LRRC7: variants seen among roughly 807,000 people sequenced by gnomAD.
The protein encoded by LRRC7 is leucine rich repeat containing 7, also known as leucine-rich repeat-containing protein 7.
In LRRC7, 23 loss-of-function variants were observed where a neutral mutation model predicts 175.7. The observed-to-expected ratio is 0.13, with a 90% CI of 0.09 to 0.19. The LOEUF (loss-of-function observed/expected upper bound fraction) is 0.19, where lower values mean the gene tolerates loss of function less well. Ranked by LOEUF, LRRC7 falls within the 10% of genes least tolerant of loss-of-function variation. The pLI, the probability that LRRC7 is intolerant of heterozygous loss-of-function variation, is 1.00. For synonymous variants in LRRC7, 685 were observed against 680.9 expected, an observed-to-expected ratio of 1.01 and a Z score of -0.09; for missense variants, 1,354 against 1,904.7, an observed-to-expected ratio of 0.71 and a Z score of 5.38.
At chr1:69,829,165 T>A (rs896530314) in intron 5 of LRRC7, among the ~76,000 whole-genome samples, 12 of 151,930 alleles carry the variant, frequency 7.9e-5, no homozygotes, top group African/African-American at 2.4e-4. Context: ...ATATTAGTAT[T>A]ATCATCTTAC....
intron 1 of LRRC7, among the ~76,000 whole-genome samples, chr1:69,575,269 G>T (rs1645899456): frequency 6.6e-6 from 1 of 152,024 alleles, no homozygotes; most frequent in South Asian, 2.1e-4. Context: ...GGAACTACTG[G>T]GGTCTCTTAC....
chr1:69,691,289 T>C (rs1661821328), intron 2 of LRRC7, among the ~76,000 whole-genome samples: 1 of 152,152 alleles, frequency 6.6e-6, no homozygotes, highest in Non-Finnish European at 1.5e-5. Flanking sequence ...TATCTGTTCC[T>C]GAAATATTAC....
At position 69,756,514 on chromosome 1, in the gene LRRC7, C is replaced by T. The variant is rs999789722; in HGVS notation, c.101-3677C>T. ...GGAAAAATAAAATTTTAAAACTTTC[C>T]GGTGGAGAAAAATGTGGGTGTGAAA... On this transcript the variant is annotated intron_variant, in intron 2 of 26. Coordinates refer to ENST00000651989, the MANE Select transcript of LRRC7 (RefSeq NM_001370785.2). Among the ~76,000 whole-genome samples, 17 of 151,330 alleles carry T rather than the reference C, an allele frequency of 1.1e-4. No homozygotes were observed. In the South Asian group the frequency reaches 1.7e-3, roughly 15 times the overall value.
At chr1:69,611,109 T>TC (rs1343875105) in intron 1 of LRRC7, among the ~76,000 whole-genome samples, 3 of 152,182 alleles carry the variant, frequency 2.0e-5, no homozygotes, top group East Asian at 3.9e-4. Flanking sequence ...ACTTTAAGTT[T>TC]CCCACTAATA....
chr1:69,894,219 G>A (rs1329409220), intron 7 of LRRC7, among the ~76,000 whole-genome samples: 2 of 152,112 alleles, frequency 1.3e-5, no homozygotes, highest in African/African-American at 4.8e-5. Flanking sequence ...GTATCTTGAA[G>A]TAGGTATTAT....
rs1180863662 is a variant in LRRC7 at position 70,136,280 on chromosome 1, CAAAA to C, written c.*14394_*14397del. Among the ~76,000 whole-genome samples the C allele has an allele frequency of 4.6e-5, 7 of 151,894 alleles. No individual in the cohort carries two copies. Among genetic ancestry groups the C allele is most frequent in the Admixed American group, 2.6e-4 (4 of 15,230 alleles). On this transcript the variant is annotated 3_prime_UTR_variant, in exon 27 of 27. Coordinates refer to ENST00000651989, the MANE Select transcript of LRRC7 (RefSeq NM_001370785.2). The stretch of plus-strand genomic sequence containing the variant: ...ATGCCCCGCAGGTTCACCTATACCC[CAAAA>C]TATATACTTATATTTTGAGTATTCA...
intron 23 of LRRC7, among the ~76,000 whole-genome samples, chr1:70,058,050 C>T (rs1192568824): frequency 6.7e-6 from 1 of 150,324 alleles, no homozygotes; most frequent in Non-Finnish European, 1.5e-5. Context: ...TGCTCTGTCA[C>T]CCAGGCTGGA....
At chr1:69,604,784 C>T (rs1387110404) in intron 1 of LRRC7, among the ~76,000 whole-genome samples, 4 of 151,862 alleles carry the variant, frequency 2.6e-5, no homozygotes, top group South Asian at 2.1e-4. Context: ...CTTCTTGCCA[C>T]GTTAAGATTT....
chr1:69,912,550 C>A (rs772845989), intron 7 of LRRC7, among the ~76,000 whole-genome samples: 194 of 152,250 alleles, frequency 1.3e-3, no homozygotes, highest in Non-Finnish European at 2.5e-3. Context: ...AGAGTAGCCC[C>A]CCACCCTCAG....
intron 2 of LRRC7, among the ~76,000 whole-genome samples, chr1:69,729,377 G>A (rs1667319657): frequency 1.3e-5 from 2 of 152,008 alleles, no homozygotes; most frequent in Non-Finnish European, 2.9e-5. Flanking sequence ...TTATATCTGT[G>A]AGCCTGTAAA....
chr1:69,986,806 G>A (rs1356575755), intron 10 of LRRC7, among the ~76,000 whole-genome samples: 1 of 152,128 alleles, frequency 6.6e-6, no homozygotes, highest in Non-Finnish European at 1.5e-5. Context: ...TAATGTAGGA[G>A]TAACATATAA....
rs567415386 is a variant in LRRC7 at position 69,702,033 on chromosome 1, C to T, written c.100+23555C>T. On this transcript the variant is annotated intron_variant, in intron 2 of 26. Transcript: ENST00000651989. ...TTATTTACATTTTTATAACAATATCCGAAAACAAGGCATTGTGTTTTATTT... is the reference window on the plus strand; with the variant it reads ...TTATTTACATTTTTATAACAATATCTGAAAACAAGGCATTGTGTTTTATTT... 2.4e-4 allele frequency among the ~76,000 whole-genome samples: 36 copies of T among 152,102 alleles called. No individual in the cohort carries two copies. The South Asian group carries it at 5.2e-3, about 22-fold the overall frequency.
chr1:69,925,053 ATAATCAT>A (rs1490968537), intron 7 of LRRC7, among the ~76,000 whole-genome samples: 9 of 152,184 alleles, frequency 5.9e-5, no homozygotes, highest in Non-Finnish European at 1.2e-4. Flanking sequence ...ATCTGTTGAG[ATAATCAT>A]GTGGTTTTTG....
intron 3 of LRRC7, among the ~76,000 whole-genome samples, chr1:69,779,559 T>C (rs911508726): frequency 2.0e-5 from 3 of 152,200 alleles, no homozygotes; most frequent in South Asian, 2.1e-4. Context: ...GTTATTCCAA[T>C]AAAACAGATA....
At chr1:69,744,296 A>G (rs1352631527) in intron 2 of LRRC7, among the ~76,000 whole-genome samples, 4 of 151,722 alleles carry the variant, frequency 2.6e-5, no homozygotes, top group Non-Finnish European at 5.9e-5. Flanking sequence ...ATATATATAA[A>G]CTCATTTAAT....
intron 7 of LRRC7, among the ~76,000 whole-genome samples, chr1:69,930,695 G>T (rs1451734934): frequency 6.6e-6 from 1 of 152,116 alleles, no homozygotes; most frequent in Non-Finnish European, 1.5e-5. Context: ...TAGAAAAGAG[G>T]TTTAATTGAC....
At chr1:70,032,018 C>G (rs991374977) in intron 18 of LRRC7, among the ~76,000 whole-genome samples, 9 of 152,178 alleles carry the variant, frequency 5.9e-5, no homozygotes, top group African/African-American at 2.2e-4. Flanking sequence ...AGGATGGTCT[C>G]GATCTCCTGA....
chr1:70,073,853 T>C (rs1662573933), intron 23 of LRRC7, among the ~76,000 whole-genome samples: 1 of 152,224 alleles, frequency 6.6e-6, no homozygotes, highest in African/African-American at 2.4e-5. Flanking sequence ...CTCTGACTCC[T>C]GAAATCATTT....
chr1:69,679,223 G>A (rs1231684376), intron 2 of LRRC7, among the ~76,000 whole-genome samples: 1 of 151,928 alleles, frequency 6.6e-6, no homozygotes, highest in Non-Finnish European at 1.5e-5. Flanking sequence ...ATTATTTTCA[G>A]GGAATGAAAT....
Sources: gnomAD v4.1 joint callset for allele counts (sites outside exome capture counted in the v4.1 genomes callset) on GRCh38, gnomAD v4.1.1 for gene constraint, MANE v1.5 for transcripts, NCBI Gene and HGNC (gene_info 2026-07-23, HGNC 2026-07-21) for gene names.